The following CFAP418 variants were observed in gnomAD, a reference collection of about 807,000 sequenced individuals.
CFAP418 encodes cilia and flagella associated protein 418.
CFAP418 carries 27 observed loss-of-function variants against 24.7 expected under a neutral mutation model. The observed-to-expected ratio is 1.09, with a 90% CI of 0.81 to 1.51. The LOEUF is 1.51. Among genes scored for constraint, CFAP418 ranks in the 40% most tolerant of loss-of-function variants. CFAP418 has a pLI of 0.00. For missense variants in CFAP418, 257 were observed against 255.2 expected (o/e 1.01, Z -0.05); for synonymous variants, 74 against 87.3 (o/e 0.85, Z 0.85).
chr8:95,254,351 G>C (rs1336406202), intron 4 of CFAP418, among the ~76,000 whole-genome samples: 1 of 152,174 alleles, frequency 6.6e-6, no homozygotes, highest in Non-Finnish European at 1.5e-5. Flanking sequence ...GCTGTATCTA[G>C]AAATCAAACA....
chr8:95,267,956 C>T (rs1812027158), intron 1 of CFAP418, among the ~76,000 whole-genome samples: 1 of 150,452 alleles, frequency 6.6e-6, no homozygotes, highest in African/African-American at 2.5e-5. Flanking sequence ...GGAGGAAAAA[C>T]GACTGGTAAA....
At position 95,246,632 on chromosome 8, in the gene CFAP418, T is replaced by A. The variant is rs573400127; in HGVS notation, c.*985A>T. ...AGCTAGAAATTTTGAGGGACCTGATTTCCTGAATGTGCTGCTATTGTAGGG... is the reference window on the plus strand; with the variant it reads ...AGCTAGAAATTTTGAGGGACCTGATATCCTGAATGTGCTGCTATTGTAGGG... On this transcript the variant is annotated 3_prime_UTR_variant, in exon 6 of 6. Coordinates refer to ENST00000286688, the MANE Select transcript of CFAP418 (RefSeq NM_177965.4). The A allele has an allele frequency of 6.6e-6, 1 of 151,268 alleles. No individual in the cohort carries two copies. The highest frequency in any genetic ancestry group is 1.9e-4 in the East Asian group (1 of 5,178). The allele number at this position is 151,268 out of a possible 1,614,324, so 9.4% of individuals were successfully genotyped here.
intron 5 of CFAP418, among the ~76,000 whole-genome samples, chr8:95,250,413 ACT>A (rs1207211290): frequency 2.6e-5 from 4 of 152,096 alleles, no homozygotes; most frequent in Non-Finnish European, 5.9e-5. Context: ...GTTCTTGATA[ACT>A]CTGAGATGCT....
intron 4 of CFAP418, among the ~76,000 whole-genome samples, chr8:95,258,852 T>C (rs1443944331): frequency 6.6e-6 from 1 of 152,258 alleles, no homozygotes; most frequent in Non-Finnish European, 1.5e-5. Flanking sequence ...GGTTACATGC[T>C]ACACAGGTTT....
rs1811638211 is a variant in CFAP418 at position 95,247,355 on chromosome 8, T to A, written c.*262A>T. On this transcript the variant is annotated 3_prime_UTR_variant, in exon 6 of 6. Transcript: ENST00000286688. ...ATGGAACTCCATAATCAAACCTCTA[T>A]TAAACAGAAGACAGATTAGTAAAGA... 2.3e-6 allele frequency: 1 copy of A among 442,582 alleles called. No homozygotes were observed. Among genetic ancestry groups the A allele is most frequent in the Non-Finnish European group, 4.0e-6 (1 of 247,418 alleles). 27.4% of individuals were successfully genotyped at this position (442,582 alleles called of 1,614,324 possible).
chr8:95,257,519 C>G (rs1811811358), intron 4 of CFAP418, among the ~76,000 whole-genome samples: 1 of 152,132 alleles, frequency 6.6e-6, no homozygotes. Context: ...TTTTTTAACT[C>G]CCACTTCTAT....
chr8:95,267,067 G>A (rs532001213), intron 1 of CFAP418, among the ~76,000 whole-genome samples: 1 of 152,144 alleles, frequency 6.6e-6, no homozygotes, highest in Non-Finnish European at 1.5e-5. Flanking sequence ...TGTGGGATAG[G>A]GATGGTAGAT....
At chr8:95,261,209 T>C (rs1811884259) in intron 2 of CFAP418, among the ~76,000 whole-genome samples, 1 of 152,188 alleles carries the variant, frequency 6.6e-6, no homozygotes, top group South Asian at 2.1e-4. Flanking sequence ...AAAGGCAATT[T>C]AAACTATGCA....
At chr8:95,263,221 T>C (rs1195490157) in intron 2 of CFAP418, among the ~76,000 whole-genome samples, 3 of 152,186 alleles carry the variant, frequency 2.0e-5, no homozygotes. Context: ...GTTGCTGTTA[T>C]ATTACTTTCT....
intron 4 of CFAP418, among the ~76,000 whole-genome samples, chr8:95,259,220 T>C (rs1398743129): frequency 1.3e-5 from 2 of 152,286 alleles, no homozygotes; most frequent in Non-Finnish European, 2.9e-5. Flanking sequence ...AGAGTAGGGT[T>C]TGCTTAAAGC....
At chr8:95,267,379 A>C (rs1462784597) in intron 1 of CFAP418, among the ~76,000 whole-genome samples, 1 of 152,180 alleles carries the variant, frequency 6.6e-6, no homozygotes, top group Admixed American at 6.5e-5. Flanking sequence ...AGGTGGGTGG[A>C]TCACGAGGTC....
chr8:95,253,047 C>T (rs1027809290), intron 4 of CFAP418, among the ~76,000 whole-genome samples: 10 of 151,876 alleles, frequency 6.6e-5, no homozygotes, highest in South Asian at 2.1e-4. Flanking sequence ...CGGTGGCTCA[C>T]GCCTGTAATC....
rs1811607814 is a variant in CFAP418, at chr8:95,245,708, C to T, written c.*1909G>A. On this transcript the variant is annotated 3_prime_UTR_variant, in exon 6 of 6. Transcript: ENST00000286688. ...GAGCAGAGATCGTGCCACTGCACTC[C>T]AGCCCGGCAACAGAGTGACACTCCA... 1 of 151,994 alleles carries T rather than the reference C, an allele frequency of 6.6e-6. No homozygotes were observed. The highest frequency in any genetic ancestry group is 1.5e-5 in the Non-Finnish European group (1 of 67,994). 9.4% of individuals were successfully genotyped at this position (151,994 alleles called of 1,614,324 possible).
intron 1 of CFAP418, among the ~76,000 whole-genome samples, chr8:95,267,774 G>A (rs915942148): frequency 2.0e-5 from 3 of 152,052 alleles, no homozygotes; most frequent in African/African-American, 4.8e-5. Context: ...AGTTGCCTCC[G>A]TGTAATTTCA....
At chr8:95,250,351 T>C (rs1163025988) in intron 5 of CFAP418, among the ~76,000 whole-genome samples, 1 of 152,192 alleles carries the variant, frequency 6.6e-6, no homozygotes, top group African/African-American at 2.4e-5. Context: ...TATCTAAAAG[T>C]ACATATATTT....
At chr8:95,268,514 T>C (rs73266490) in intron 1 of CFAP418, among the ~76,000 whole-genome samples, 4,611 of 151,410 alleles carry the variant, frequency 0.03, 113 homozygotes, top group African/African-American at 0.051. Flanking sequence ...TAAAGACAAA[T>C]AGGATTGACC....
intron 3 of CFAP418, 43 bp from the exon 4 acceptor site, chr8:95,259,948 A>T (rs746089648): frequency 6.7e-7 from 1 of 1,497,002 alleles, no homozygotes; most frequent in African/African-American, 1.5e-5. Context: ...GTTATAACAA[A>T]AAATAGGAGA....
chr8:95,252,430 C>T (rs2132155385), intron 4 of CFAP418, 147 bp from the exon 5 acceptor site: 1 of 586,754 alleles, frequency 1.7e-6, no homozygotes, highest in Non-Finnish European at 2.9e-6. Context: ...GATTATAAAT[C>T]TTTATACTAA....
Position 95,263,874 on chromosome 8 carries a change from T to C in CFAP418, c.156-100A>G, listed in dbSNP as rs1043557892. 3.2e-5 allele frequency: 21 copies of C among 651,752 alleles called. No individual in the cohort carries two copies. In the South Asian group the frequency reaches 3.5e-4, roughly 11 times the overall value. 40.4% of individuals were successfully genotyped at this position (651,752 alleles called of 1,614,324 possible). ...GCTTAAAGTCCATTATTAGAGCTGA[T>C]AATAGAAAGATAAAAGTGATTTTAA... is the stretch of plus-strand genomic sequence containing the variant. On this transcript the variant is annotated intron_variant, in intron 1 of 5. Coordinates refer to ENST00000286688, the MANE Select transcript of CFAP418 (RefSeq NM_177965.4).
Sources: gnomAD v4.1 joint callset for allele counts (sites outside exome capture counted in the v4.1 genomes callset) on GRCh38, gnomAD v4.1.1 for gene constraint, MANE v1.5 for transcripts, NCBI Gene and HGNC (gene_info 2026-07-23, HGNC 2026-07-21) for gene names.